The following NPR3 variants were observed in gnomAD, a reference collection of about 807,000 sequenced individuals.
NPR3 encodes atrial natriuretic peptide receptor 3.
In NPR3, 34 loss-of-function variants were observed where a neutral mutation model predicts 54.5. The ratio of observed to expected loss-of-function variants is 0.62; its 90% confidence interval spans 0.47 to 0.83. The LOEUF is 0.83. Ranked by LOEUF, NPR3 falls within the 40% of genes least tolerant of loss-of-function variation. The probability of loss-of-function intolerance (pLI) is 0.00; values close to 1 mark genes in which losing one functional copy is unlikely to be tolerated. For missense variants in NPR3, 674 were observed against 720.8 expected (o/e 0.94, Z 0.74); for synonymous variants, 289 against 297.1 (o/e 0.97, Z 0.28).
At chr5:32,739,978 T>C (rs1025111550) in intron 3 of NPR3, among the ~76,000 whole-genome samples, 1 of 152,178 alleles carries the variant, frequency 6.6e-6, no homozygotes, top group African/African-American at 2.4e-5. Context: ...ACTCCTGGGC[T>C]CAAGCGATCC....
At chr5:32,727,688 G>T (rs1001281604) in intron 2 of NPR3, among the ~76,000 whole-genome samples, 2 of 152,036 alleles carry the variant, frequency 1.3e-5, no homozygotes, top group Non-Finnish European at 2.9e-5. Flanking sequence ...TTTTGGAATG[G>T]TATTTATGTA....
intron 2 of NPR3, among the ~76,000 whole-genome samples, chr5:32,729,042 T>G (rs1398787785): frequency 7.4e-6 from 1 of 135,934 alleles, no homozygotes; most frequent in Non-Finnish European, 1.6e-5. Context: ...TTTGTTTTTT[T>G]TTTTTGAGAC....
intron 3 of NPR3, among the ~76,000 whole-genome samples, chr5:32,741,428 G>C (rs549074412): frequency 6.6e-6 from 1 of 152,214 alleles, no homozygotes; most frequent in Admixed American, 6.5e-5. Flanking sequence ...CAAAGAAAAA[G>C]TTGGCATCCC....
chr5:32,728,843 A>G (rs1579616438), intron 2 of NPR3, among the ~76,000 whole-genome samples: 5 of 108,996 alleles, frequency 4.6e-5, no homozygotes, highest in East Asian at 5.2e-4. Flanking sequence ...GTGTGTATAT[A>G]TATATATATA....
At chr5:32,761,967 G>C (rs946717318) in intron 3 of NPR3, among the ~76,000 whole-genome samples, 1 of 151,728 alleles carries the variant, frequency 6.6e-6, no homozygotes, top group Non-Finnish European at 1.5e-5. Context: ...AACAGGCCCC[G>C]GTGTGTGATA....
At position 32,790,781 on chromosome 5, in the gene NPR3, A is replaced by C. The variant is rs544118808; in HGVS notation, c.*4436A>C. The C allele has an allele frequency of 3.6e-5, 6 of 167,184 alleles. No homozygotes were observed. In the South Asian group the frequency reaches 1.0e-3, roughly 29 times the overall value. The allele number at this position is 167,184 out of a possible 1,614,324, so 10.4% of individuals were successfully genotyped here. A position where few individuals can be genotyped will look rare whatever the true frequency, so the allele number is the denominator to read the frequency against. The stretch of plus-strand genomic sequence containing the variant: ...CAGTGTTCAAGTTTTAAGTGACTTC[A>C]AACACAATGGAAGTGTTTCAATGGG... On this transcript the variant is annotated 3_prime_UTR_variant, in exon 8 of 8. Transcript: ENST00000265074.
At chr5:32,740,490 C>A (rs570464356) in intron 3 of NPR3, among the ~76,000 whole-genome samples, 1 of 151,828 alleles carries the variant, frequency 6.6e-6, no homozygotes, top group Non-Finnish European at 1.5e-5. Context: ...ATATTCACAT[C>A]ATTTAAAATA....
chr5:32,771,881 A>G (rs1407086643), intron 3 of NPR3, among the ~76,000 whole-genome samples: 1 of 151,812 alleles, frequency 6.6e-6, no homozygotes. Context: ...ATAGGCCATG[A>G]CTCTGTGATT....
chr5:32,706,728 C>T (rs899231930), upstream of NPR3, among the ~76,000 whole-genome samples: 4 of 152,148 alleles, frequency 2.6e-5, no homozygotes, highest in African/African-American at 7.2e-5. Flanking sequence ...GATTTGGCTC[C>T]TTCTGACTTC....
upstream of NPR3, chr5:32,710,344 C>T (rs552114686): frequency 1.0e-4 from 17 of 169,228 alleles, no homozygotes; most frequent in South Asian, 2.1e-3. Context: ...GGGGACCTAC[C>T]GGGAACGTTT....
chr5:32,736,070 A>C (rs145741469), intron 2 of NPR3, among the ~76,000 whole-genome samples: 1 of 152,018 alleles, frequency 6.6e-6, no homozygotes, highest in East Asian at 1.9e-4. Flanking sequence ...GTCCCTACTA[A>C]AAATACAAAA....
At chr5:32,705,680 C>G (rs1428395194), upstream of NPR3, among the ~76,000 whole-genome samples, 6 of 152,060 alleles carry the variant, frequency 3.9e-5, no homozygotes, top group Admixed American at 2.6e-4. Flanking sequence ...ACCCAATCAC[C>G]TCCCACCAGT....
intron 3 of NPR3, among the ~76,000 whole-genome samples, chr5:32,743,094 T>G (rs2111960507): frequency 6.6e-6 from 1 of 152,310 alleles, no homozygotes; most frequent in South Asian, 2.1e-4. Flanking sequence ...AAATTAATGT[T>G]TCATATTTAT....
chr5:32,711,474 G>T lies in NPR3; in HGVS notation c.-303G>T, dbSNP rs913644338. Reference sequence around the variant, plus strand: ...GCCACCTCTAAGCAAAATAGTATATGTATAAACGGAGGGCGAATATATACA... The same window carrying T: ...GCCACCTCTAAGCAAAATAGTATATTTATAAACGGAGGGCGAATATATACA... On this transcript the variant is annotated 5_prime_UTR_variant, in exon 1 of 8. An upstream start codon of the reference 5' UTR is lost. Coordinates refer to ENST00000265074, the MANE Select transcript of NPR3 (RefSeq NM_001204375.2). 1.8e-5 allele frequency: 20 copies of T among 1,122,506 alleles called. No individual in the cohort carries two copies. The highest frequency in any genetic ancestry group is 2.2e-5 in the Non-Finnish European group (20 of 920,738). 69.5% of individuals were successfully genotyped at this position (1,122,506 alleles called of 1,614,324 possible).
Position 32,712,452 on chromosome 5 carries a change from G to A in NPR3, c.676G>A (p.Glu226Lys), listed in dbSNP as rs1561075577. 1.9e-6 allele frequency: 3 copies of A among 1,609,648 alleles called. No homozygotes were observed. Among genetic ancestry groups the A allele is most frequent in the Non-Finnish European group, 2.5e-6 (3 of 1,178,740 alleles). ...CGAGGGGGTCCACGAGGTCTTCCAG[G>A]AGGAGGGTTTGCACACGTCCATCTA... ...TLEGVHEVFQ[E>K]EGLHTSIYSF... The change falls in exon 1 of 8, where the codon GAG becomes AAG. Residue 226 changes from glutamate (E) to lysine (K), a missense_variant. Glu to Lys is a moderately conservative substitution (Grantham distance 56). Transcript: ENST00000265074.
At chr5:32,709,502 T>A (rs1292822373), upstream of NPR3, 1 of 152,126 alleles carries the variant, frequency 6.6e-6, no homozygotes, top group Non-Finnish European at 1.5e-5. Flanking sequence ...AAATCTCAAT[T>A]TCCAGTGTGT....
At chr5:32,714,839 A>G (rs1738466408) in intron 1 of NPR3, among the ~76,000 whole-genome samples, 1 of 152,214 alleles carries the variant, frequency 6.6e-6, no homozygotes, top group African/African-American at 2.4e-5. Flanking sequence ...GGGCTTCGGT[A>G]CATGATTGCA....
At chr5:32,700,203 T>C (rs998046046) in intron 1 of NPR3, among the ~76,000 whole-genome samples, 1 of 152,188 alleles carries the variant, frequency 6.6e-6, no homozygotes, top group Non-Finnish European at 1.5e-5. Flanking sequence ...CTTGGTGTTC[T>C]ATAACTTTCT....
intron 7 of NPR3, among the ~76,000 whole-genome samples, chr5:32,785,274 C>T (rs557140663): frequency 1.4e-4 from 21 of 151,402 alleles, no homozygotes; most frequent in South Asian, 4.2e-4. Flanking sequence ...CTCAGCCTCA[C>T]GAGGAGCTGG....
Sources: gnomAD v4.1 joint callset for allele counts (sites outside exome capture counted in the v4.1 genomes callset) on GRCh38, gnomAD v4.1.1 for gene constraint, MANE v1.5 for transcripts, NCBI Gene and HGNC (gene_info 2026-07-23, HGNC 2026-07-21) for gene names.